Variants in KLF3 observed in about 807,000 individuals in gnomAD.
The protein encoded by KLF3 is KLF transcription factor 3, also known as Krueppel-like factor 3.
KLF3 carries 6 observed loss-of-function variants against 32.7 expected under a neutral mutation model. That is an observed-to-expected ratio of 0.18 (90% CI 0.10 to 0.36). The LOEUF is 0.36. Among genes scored for constraint, KLF3 ranks in the 10% least tolerant of loss-of-function variants. The pLI is 1.00. For missense variants in KLF3, 338 were observed against 449.7 expected (o/e 0.75, Z 2.25); for synonymous variants, 145 against 172.8 (o/e 0.84, Z 1.26).
intron 1 of KLF3, among the ~76,000 whole-genome samples, chr4:38,665,767 T>C (rs562734168): frequency 2.0e-5 from 3 of 152,384 alleles, no homozygotes; most frequent in African/African-American, 4.8e-5. Flanking sequence ...TTGTTCATTA[T>C]AGGTTTTTCC....
intron 2 of KLF3, among the ~76,000 whole-genome samples, chr4:38,684,666 C>G (rs1023504559): frequency 6.6e-6 from 1 of 151,430 alleles, no homozygotes; most frequent in Non-Finnish European, 1.5e-5. Context: ...CAATCCTCCT[C>G]CCTCAGCCTC....
At chr4:38,683,526 C>T (rs1013209610) in intron 2 of KLF3, among the ~76,000 whole-genome samples, 1 of 151,888 alleles carries the variant, frequency 6.6e-6, no homozygotes, top group Non-Finnish European at 1.5e-5. Context: ...TTACATCCAC[C>T]CAGTGTTGGC....
chr4:38,697,013 G>A (rs1723061867), intron 5 of KLF3, 69 bp from the exon 6 acceptor site: 3 of 1,265,778 alleles, frequency 2.4e-6, no homozygotes, highest in African/African-American at 1.5e-5. Context: ...TATTTGTCAA[G>A]CATTAACTCA....
In KLF3 at chr4:38,689,794, G is replaced by A. The variant is rs377705302; in HGVS notation, c.610G>A (p.Glu204Lys). 36 of 1,612,570 alleles carry A rather than the reference G, an allele frequency of 2.2e-5. No individual in the cohort carries two copies. Among genetic ancestry groups the A allele is most frequent in the South Asian group, 6.6e-5 (6 of 90,914 alleles). Reference sequence around the variant, plus strand: ...AAAAATTAAAATAGAACCTGGGATCGAACCACAGAGGACAGATTATTATCC... The same window carrying A: ...AAAAATTAAAATAGAACCTGGGATCAAACCACAGAGGACAGATTATTATCC... ...QKKIKIEPGIEPQRTDYYPEE... is the reference protein window; with the variant it reads ...QKKIKIEPGIKPQRTDYYPEE... The change falls in exon 4 of 6, where the codon GAA becomes AAA. Residue 204 changes from glutamate to lysine, a missense_variant. Physicochemically the swap from Glu to Lys is moderately conservative, Grantham distance 56 (BLOSUM62 1). Coordinates refer to ENST00000261438, the MANE Select transcript of KLF3 (RefSeq NM_016531.6).
intron 4 of KLF3, among the ~76,000 whole-genome samples, chr4:38,693,082 ATATATACACG>A (rs1722924194): frequency 7.3e-6 from 1 of 136,710 alleles, no homozygotes; most frequent in Non-Finnish European, 1.6e-5. Context: ...ATATACACAT[ATATATACACG>A]TATATATATA....
chr4:38,664,841 G>A (rs769684747), intron 1 of KLF3: 5 of 152,222 alleles, frequency 3.3e-5, no homozygotes, highest in Non-Finnish European at 7.3e-5. Flanking sequence ...TCCCTCCAAA[G>A]CCCCAGAAAT....
intron 1 of KLF3, among the ~76,000 whole-genome samples, chr4:38,676,734 C>CT (rs559818782): frequency 2.0e-5 from 3 of 150,474 alleles, no homozygotes; most frequent in African/African-American, 7.3e-5. Context: ...TTTGCACGGA[C>CT]TTTTTTTTTA....
intron 2 of KLF3, among the ~76,000 whole-genome samples, chr4:38,686,443 C>CAAAA (rs61128677): frequency 3.1e-4 from 31 of 100,916 alleles, no homozygotes; most frequent in Non-Finnish European, 3.6e-4. Flanking sequence ...GACCCTATCT[C>CAAAA]AAAAAAAAAA....
chr4:38,682,923 T>C (rs553503346), intron 2 of KLF3, among the ~76,000 whole-genome samples: 10 of 152,336 alleles, frequency 6.6e-5, no homozygotes, highest in African/African-American at 2.4e-4. Context: ...TTTTTTCTTT[T>C]TCTTTTTTTG....
rs1381412704 is a variant in KLF3, at chr4:38,674,158, T to C, written c.-39-6429T>C. ...AGTGGCATGAAAATTTCCAAGAATG[T>C]CTAGGTAGGAAATTCCAGGTAGGTG... On this transcript the variant is annotated intron_variant, in intron 1 of 5. Transcript: ENST00000261438. The surrounding 1 kb of genome is among the most constrained non-coding windows in gnomAD (Gnocchi z 4.1). 6.6e-6 allele frequency among the ~76,000 whole-genome samples: 1 copy of C among 152,174 alleles called. No homozygotes were observed. The highest frequency in any genetic ancestry group is 2.4e-5 in the African/African-American group (1 of 41,434).
At chr4:38,682,952 AG>A (rs1380709996) in intron 2 of KLF3, among the ~76,000 whole-genome samples, 2 of 151,864 alleles carry the variant, frequency 1.3e-5, no homozygotes, top group African/African-American at 2.4e-5. Flanking sequence ...TTTCTTCAGC[AG>A]GAAGTATTTT....
At chr4:38,683,811 C>A (rs1339815354) in intron 2 of KLF3, among the ~76,000 whole-genome samples, 1 of 152,180 alleles carries the variant, frequency 6.6e-6, no homozygotes, top group Non-Finnish European at 1.5e-5. Context: ...TATCTTCAGT[C>A]ATCTAACAGA....
chr4:38,666,643 C>G (rs1381362012), intron 1 of KLF3, among the ~76,000 whole-genome samples: 1 of 152,220 alleles, frequency 6.6e-6, no homozygotes, highest in Non-Finnish European at 1.5e-5. Context: ...GAATCACATT[C>G]TTAAAAGGCG....
chr4:38,668,746 A>T (rs773515162), intron 1 of KLF3, among the ~76,000 whole-genome samples: 8 of 152,162 alleles, frequency 5.3e-5, no homozygotes, highest in Non-Finnish European at 1.2e-4. Context: ...TGGTAAACAG[A>T]GTCTTTATTT....
Position 38,671,631 on chromosome 4 carries a change from T to G in KLF3, c.-40+7170T>G, listed in dbSNP as rs1190529418. Among the ~76,000 whole-genome samples the G allele has an allele frequency of 6.6e-6, 1 of 152,198 alleles. No homozygotes were observed. Among genetic ancestry groups the G allele is most frequent in the Non-Finnish European group, 1.5e-5 (1 of 68,032 alleles). On this transcript the variant is annotated intron_variant, in intron 1 of 5. Coordinates refer to ENST00000261438, the MANE Select transcript of KLF3 (RefSeq NM_016531.6). The surrounding 1 kb of genome is among the most constrained non-coding windows in gnomAD (Gnocchi z 4.4). ...GAGTGGTGTGCCAAGGCCACCAGTCTTAAGTCAGACTACCTTGGGTTCAAG... is the reference window on the plus strand; with the variant it reads ...GAGTGGTGTGCCAAGGCCACCAGTCGTAAGTCAGACTACCTTGGGTTCAAG...
intron 3 of KLF3, 37 bp from the exon 4 acceptor site, chr4:38,689,692 C>G (rs760730739): frequency 1.4e-6 from 2 of 1,474,300 alleles, no homozygotes; most frequent in South Asian, 1.3e-5. Flanking sequence ...AATTGGTAAA[C>G]TGTACGTGAA....
chr4:38,696,837 C>T (rs906874197), intron 5 of KLF3, among the ~76,000 whole-genome samples: 4 of 150,308 alleles, frequency 2.7e-5, no homozygotes, highest in African/African-American at 1.0e-4. Context: ...GAATGGATTT[C>T]AGTGACTCTG....
chr4:38,695,046 G>A, intron 5 of KLF3, 140 bp downstream of exon 5: 2 of 736,614 alleles, frequency 2.7e-6, no homozygotes, highest in Admixed American at 3.5e-5. Flanking sequence ...CAGATTAGTT[G>A]TGCAGAATGA....
intron 2 of KLF3, among the ~76,000 whole-genome samples, chr4:38,683,343 A>G (rs1375983192): frequency 6.6e-6 from 1 of 152,114 alleles, no homozygotes; most frequent in Non-Finnish European, 1.5e-5. Context: ...TGCTTTTGCT[A>G]TAGGTTAGAG....
Sources: allele counts gnomAD v4.1 joint callset (sites outside exome capture counted in the v4.1 genomes callset), GRCh38; gene constraint gnomAD v4.1.1; non-coding constraint Gnocchi (gnomAD v3.1); transcripts MANE v1.5; gene names NCBI Gene and HGNC (gene_info 2026-07-23, HGNC 2026-07-21).